Variants in CACNA2D1 observed in about 807,000 individuals in gnomAD.
CACNA2D1 encodes voltage-dependent calcium channel subunit alpha-2/delta-1.
CACNA2D1 carries 53 observed loss-of-function variants against 171.5 expected under a neutral mutation model. The ratio of observed to expected loss-of-function variants is 0.31; its 90% CI spans 0.25 to 0.39. The LOEUF (loss-of-function observed/expected upper bound fraction) is 0.39, where lower values mean the gene tolerates loss of function less well. CACNA2D1 is among the 10% of genes least tolerant of loss of function. The pLI is 1.00. For synonymous variants in CACNA2D1, 442 were observed against 443.1 expected, an observed-to-expected ratio of 1.00 and a Z score of 0.03; for missense variants, 903 against 1,299.8, an observed-to-expected ratio of 0.69 and a Z score of 4.69.
At chr7:81,964,916 A>C (rs1794548117) in intron 32 of CACNA2D1, among the ~76,000 whole-genome samples, 1 of 151,850 alleles carries the variant, frequency 6.6e-6, no homozygotes, top group Non-Finnish European at 1.5e-5. Flanking sequence ...CCTTAAACAT[A>C]TACAATAAAA....
chr7:82,340,074 G>A (rs1287372935), intron 2 of CACNA2D1, among the ~76,000 whole-genome samples: 1 of 152,106 alleles, frequency 6.6e-6, no homozygotes, highest in Non-Finnish European at 1.5e-5. Context: ...GCCACAGAAA[G>A]GACTTCTCAT....
chr7:82,014,309 T>TAC (rs1225483027), intron 13 of CACNA2D1, 92 bp downstream of exon 13: 22 of 732,218 alleles, frequency 3.0e-5, no homozygotes, highest in African/African-American at 2.1e-4. Context: ...AAAAGTTAGC[T>TAC]ACAATTTTAG....
intron 3 of CACNA2D1, among the ~76,000 whole-genome samples, chr7:82,297,140 A>AGG (rs1334636299): frequency 1.3e-5 from 2 of 150,478 alleles, no homozygotes; most frequent in East Asian, 2.0e-4. Context: ...CCAGCTAATC[A>AGG]GGTGGCTGAG....
At chr7:82,297,269 C>T (rs1022994840) in intron 3 of CACNA2D1, among the ~76,000 whole-genome samples, 2 of 151,708 alleles carry the variant, frequency 1.3e-5, no homozygotes, top group African/African-American at 4.8e-5. Flanking sequence ...ATAGAAAAAA[C>T]TCACATTAAA....
intron 1 of CACNA2D1, among the ~76,000 whole-genome samples, chr7:82,423,926 G>C (rs1419902538): frequency 5.3e-5 from 8 of 152,134 alleles, no homozygotes; most frequent in Admixed American, 3.9e-4. Context: ...AGTTTGGAAA[G>C]AGTAATTTTA....
intron 38 of CACNA2D1, among the ~76,000 whole-genome samples, chr7:81,951,113 T>C (rs938444116): frequency 2.0e-5 from 3 of 152,014 alleles, no homozygotes; most frequent in Non-Finnish European, 2.9e-5. Flanking sequence ...GCTTTGCAAA[T>C]ATATATCCAA....
At chr7:82,241,376 C>T (rs1004990690) in intron 3 of CACNA2D1, among the ~76,000 whole-genome samples, 4 of 152,252 alleles carry the variant, frequency 2.6e-5, no homozygotes, top group Admixed American at 1.3e-4. Flanking sequence ...GAGAATAGTG[C>T]TAATCTGGAC....
chr7:82,314,944 T>C (rs1814925370), intron 3 of CACNA2D1, among the ~76,000 whole-genome samples: 1 of 150,764 alleles, frequency 6.6e-6, no homozygotes. Flanking sequence ...AAAAACTTCA[T>C]CTCTCCTGCT....
At chr7:82,412,871 T>G (rs1827820262) in intron 1 of CACNA2D1, among the ~76,000 whole-genome samples, 1 of 152,032 alleles carries the variant, frequency 6.6e-6, no homozygotes, top group African/African-American at 2.4e-5. Flanking sequence ...TTTGTTAAAT[T>G]CAGAATTAAT....
intron 1 of CACNA2D1, among the ~76,000 whole-genome samples, chr7:82,350,035 C>T (rs557353269): frequency 6.6e-6 from 1 of 152,118 alleles, no homozygotes; most frequent in African/African-American, 2.4e-5. Context: ...TAAATGCAGA[C>T]CATTTGTAAA....
At chr7:82,236,817 G>T (rs1020129265) in intron 3 of CACNA2D1, among the ~76,000 whole-genome samples, 1 of 151,854 alleles carries the variant, frequency 6.6e-6, no homozygotes, top group African/African-American at 2.4e-5. Flanking sequence ...ACTTACGGCA[G>T]ATTTTCATGC....
intron 4 of CACNA2D1, among the ~76,000 whole-genome samples, chr7:82,143,380 G>A (rs1792618530): frequency 6.6e-6 from 1 of 151,988 alleles, no homozygotes; most frequent in Admixed American, 6.6e-5. Flanking sequence ...TTTTATATAT[G>A]AAAAATATCA....
At chr7:82,154,292 C>T (rs188283120) in intron 4 of CACNA2D1, among the ~76,000 whole-genome samples, 164 of 152,242 alleles carry the variant, frequency 1.1e-3, no homozygotes, top group African/African-American at 3.4e-3. Context: ...GTCAGCAGAA[C>T]GCTCAAATGC....
chr7:82,098,193 A>G (rs1426956030), intron 6 of CACNA2D1, among the ~76,000 whole-genome samples: 1 of 152,160 alleles, frequency 6.6e-6, no homozygotes, highest in African/African-American at 2.4e-5. Context: ...GCTAAGAGGA[A>G]GCAATGTAGA....
intron 6 of CACNA2D1, among the ~76,000 whole-genome samples, chr7:82,087,599 A>C (rs984769327): frequency 7.9e-5 from 12 of 151,874 alleles, no homozygotes; most frequent in African/African-American, 2.9e-4. Flanking sequence ...TATATAAAGC[A>C]TCAAAGCCAA....
intron 3 of CACNA2D1, among the ~76,000 whole-genome samples, chr7:82,327,160 C>A (rs1026228360): frequency 2.0e-5 from 3 of 152,126 alleles, no homozygotes; most frequent in African/African-American, 7.2e-5. Context: ...ATATTAAATC[C>A]TGAAAAAGTC....
chr7:82,233,463 A>ATT (rs545640328), intron 3 of CACNA2D1, among the ~76,000 whole-genome samples: 1 of 151,594 alleles, frequency 6.6e-6, no homozygotes, highest in Non-Finnish European at 1.5e-5. Context: ...GCCTTCACAG[A>ATT]TTTTTTTTTC....
intron 3 of CACNA2D1, among the ~76,000 whole-genome samples, chr7:82,197,230 T>C (rs1798943123): frequency 6.6e-6 from 1 of 151,928 alleles, no homozygotes; most frequent in Non-Finnish European, 1.5e-5. Context: ...TATATAAGAG[T>C]ATTCAGAAAC....
At chr7:82,409,515 T>C (rs1183653003) in intron 1 of CACNA2D1, among the ~76,000 whole-genome samples, 1 of 152,196 alleles carries the variant, frequency 6.6e-6, no homozygotes, top group East Asian at 1.9e-4. Flanking sequence ...TTCTCAACTT[T>C]GGCTACACAC....
Sources: gnomAD v4.1 joint callset for allele counts (sites outside exome capture counted in the v4.1 genomes callset) on GRCh38, gnomAD v4.1.1 for gene constraint, MANE v1.5 for transcripts, NCBI Gene and HGNC (gene_info 2026-07-23, HGNC 2026-07-21) for gene names.